ZNF461: variants seen among roughly 807,000 people sequenced by gnomAD.
ZNF461 encodes the protein zinc finger protein 461.
In ZNF461, 16 loss-of-function variants were observed where a neutral mutation model predicts 18.3. That is an observed-to-expected ratio of 0.88 (90% CI 0.59 to 1.33). ZNF461 has a LOEUF of 1.33. ZNF461 is among the 40% of genes most tolerant of loss of function. The pLI, the probability that ZNF461 is intolerant of heterozygous loss-of-function variation, is 0.00. For missense variants in ZNF461, 595 were observed against 669.9 expected (o/e 0.89, Z 1.23); for synonymous variants, 179 against 216.9 (o/e 0.83, Z 1.54).
At chr19:36,653,744 A>G (rs927487325) in intron 4 of ZNF461, among the ~76,000 whole-genome samples, 2 of 152,134 alleles carry the variant, frequency 1.3e-5, no homozygotes, top group African/African-American at 4.8e-5. Flanking sequence ...CCCTCCCACA[A>G]CACGTGGGAA....
At chr19:36,664,920 A>G (rs1438782407) in intron 1 of ZNF461, 134 bp from the exon 2 acceptor site, 2 of 379,612 alleles carry the variant, frequency 5.3e-6, no homozygotes, top group Non-Finnish European at 9.4e-6. Flanking sequence ...TACATAAATT[A>G]TTAGTGGGAA....
chr19:36,643,778 C>T lies in ZNF461; in HGVS notation c.301+16G>A, dbSNP rs2037471568. 1 of 1,516,150 alleles carries T rather than the reference C, an allele frequency of 6.6e-7. No individual in the cohort carries two copies. Among genetic ancestry groups the T allele is most frequent in the Non-Finnish European group, 8.8e-7 (1 of 1,133,106 alleles). 93.9% of individuals were successfully genotyped at this position (1,516,150 alleles called of 1,614,324 possible). On this transcript the variant is annotated intron_variant, in intron 5 of 5. Transcript: ENST00000588268. ...AGTACTTCTACTGTACTCTTAAAAA[C>T]TGTATTTATTTATACCTGCATTTAT...
intron 5 of ZNF461, among the ~76,000 whole-genome samples, chr19:36,640,375 A>G (rs975402236): frequency 2.6e-5 from 4 of 152,252 alleles, no homozygotes; most frequent in African/African-American, 4.8e-5. Context: ...GTCAGAGTTC[A>G]TATGTTTAAC....
In ZNF461 at chr19:36,638,694, T is replaced by C. The variant is rs1314874335; in HGVS notation, c.1651A>G (p.Arg551Gly). Reference protein sequence around the residue: ...QTLHTGEKPVRFPLLPPHPSL... With the variant: ...QTLHTGEKPVGFPLLPPHPSL... ...GGATGGGGAGGGAGGAGAGGAAACC[T>C]GACTGGCTTCTCGCCAGTATGAAGA... The change falls in exon 6 of 6, where the codon AGG becomes GGG. Residue 551 changes from arginine to glycine, a missense_variant. By Grantham distance (125) the Arg-to-Gly change is moderately radical. Transcript: ENST00000588268. 1.2e-6 allele frequency: 2 copies of C among 1,613,144 alleles called. No homozygotes were observed. Among genetic ancestry groups the C allele is most frequent in the Non-Finnish European group, 1.7e-6 (2 of 1,179,384 alleles).
intron 4 of ZNF461, among the ~76,000 whole-genome samples, chr19:36,655,820 T>C (rs1368863217): frequency 6.6e-6 from 1 of 152,170 alleles, no homozygotes; most frequent in East Asian, 1.9e-4. Context: ...ATTTAGGTCT[T>C]TGATCCATTC....
chr19:36,656,708 A>G (rs766420063), intron 3 of ZNF461, among the ~76,000 whole-genome samples, 165 bp from the exon 4 acceptor site: 4 of 152,238 alleles, frequency 2.6e-5, no homozygotes, highest in East Asian at 1.9e-4. Flanking sequence ...TCAGATGAAC[A>G]CAGGATCATA....
At chr19:36,651,888 A>G (rs2037633122) in intron 4 of ZNF461, among the ~76,000 whole-genome samples, 1 of 152,198 alleles carries the variant, frequency 6.6e-6, no homozygotes, top group Non-Finnish European at 1.5e-5. Flanking sequence ...ATGAAAAACA[A>G]CACAGTGGGA....
At chr19:36,656,301 C>T in intron 4 of ZNF461, 147 bp downstream of exon 4, 2 of 722,262 alleles carry the variant, frequency 2.8e-6, no homozygotes, top group Non-Finnish European at 4.8e-6. Context: ...ATCTTTATGC[C>T]AGTACCACAC....
intron 4 of ZNF461, among the ~76,000 whole-genome samples, chr19:36,654,650 G>C (rs1052114563): frequency 6.6e-6 from 1 of 152,018 alleles, no homozygotes; most frequent in African/African-American, 2.4e-5. Context: ...GGGATTACAG[G>C]CATGAGCCAC....
chr19:36,638,559 G>A lies in ZNF461; in HGVS notation c.*94C>T. ...CACTTAAAAACATTTGATTTTCAAG[G>A]ATTATTTAAATAAATAAATACTAAT... On this transcript the variant is annotated 3_prime_UTR_variant, in exon 6 of 6. Transcript: ENST00000588268. The A allele has an allele frequency of 1.0e-6, 1 of 980,226 alleles. No individual in the cohort carries two copies. The highest frequency in any genetic ancestry group is 2.7e-5 in the East Asian group (1 of 37,710). 60.7% of individuals were successfully genotyped at this position (980,226 alleles called of 1,614,324 possible).
At chr19:36,652,447 G>C (rs1376320491) in intron 4 of ZNF461, among the ~76,000 whole-genome samples, 3 of 149,584 alleles carry the variant, frequency 2.0e-5, no homozygotes, top group African/African-American at 7.4e-5. Context: ...GTTGCAGTGA[G>C]CTGAGATTGC....
chr19:36,640,812 T>G (rs2037410625), intron 5 of ZNF461, among the ~76,000 whole-genome samples: 1 of 152,200 alleles, frequency 6.6e-6, no homozygotes, highest in Non-Finnish European at 1.5e-5. Flanking sequence ...AGAAAATTAA[T>G]TTAAACATCT....
rs767835675 is a variant in ZNF461 at position 36,639,420 on chromosome 19, C to G, written c.925G>C (p.Ala309Pro). 7.4e-6 allele frequency: 12 copies of G among 1,613,702 alleles called. No individual in the cohort carries two copies. The highest frequency in any genetic ancestry group is 3.3e-5 in the Admixed American group (2 of 59,972). The change falls in exon 6 of 6, where the codon GCC becomes CCC. Residue 309 changes from alanine (A) to proline (P), a missense_variant. Coordinates refer to ENST00000588268, the MANE Select transcript of ZNF461 (RefSeq NM_153257.5). ...GTAAGCTGTGATCGCTGTCTAAAGG[C>G]CTTCCCACATTCTTTACATTCATAA... ...KPYECKECGKAFRQRSQLTQH... is the reference protein window; with the variant it reads ...KPYECKECGKPFRQRSQLTQH...
At chr19:36,653,599 G>A (rs565556471) in intron 4 of ZNF461, among the ~76,000 whole-genome samples, 1 of 152,268 alleles carries the variant, frequency 6.6e-6, no homozygotes, top group South Asian at 2.1e-4. Flanking sequence ...TTACATGACA[G>A]CAGACAGGAG....
intron 4 of ZNF461, among the ~76,000 whole-genome samples, chr19:36,654,752 A>C (rs564348307): frequency 2.1e-4 from 32 of 152,062 alleles, no homozygotes; most frequent in Non-Finnish European, 4.7e-4. Flanking sequence ...ATAGCACCCC[A>C]AACTTTCCTG....
chr19:36,665,700 CT>C (rs2037903936), intron 1 of ZNF461, among the ~76,000 whole-genome samples: 1 of 124,018 alleles, frequency 8.1e-6, no homozygotes, highest in Non-Finnish European at 1.6e-5. Context: ...AAGAGAGAAA[CT>C]TCGTCTCAAA....
chr19:36,639,245 C>T lies in ZNF461; in HGVS notation c.1100G>A (p.Arg367Lys). The T allele has an allele frequency of 6.2e-7, 1 of 1,613,624 alleles. No individual in the cohort carries two copies. Among genetic ancestry groups the T allele is most frequent in the Non-Finnish European group, 8.5e-7 (1 of 1,179,948 alleles). Residue 367 changes from arginine to lysine, a missense_variant, in exon 6 of 6, where the codon AGG becomes AAG. By Grantham distance (26) the Arg-to-Lys change is conservative. Coordinates refer to ENST00000588268, the MANE Select transcript of ZNF461 (RefSeq NM_153257.5). ...YECKECGKTF[R>K]HRSHLTIHQR... is the part of the protein sequence containing the mutation. ...ATGTATAGTAAGATGTGAGCGATGC[C>T]TAAAAGTCTTTCCACATTCTTTACA... is the stretch of plus-strand genomic sequence containing the variant.
chr19:36,652,054 G>GA lies in ZNF461; in HGVS notation c.232+4393dup, dbSNP rs755077840. On this transcript the variant is annotated intron_variant, in intron 4 of 5. Transcript: ENST00000588268. ...TGCACAACTAAGTTTTGACAAAGGT[G>GA]AAAAAGCTATTCACTTGAGAAGGGA... 1.1e-4 allele frequency among the ~76,000 whole-genome samples: 16 copies of GA among 152,180 alleles called. No homozygotes were observed. The South Asian group carries it at 2.5e-3, about 24-fold the overall frequency.
chr19:36,642,610 C>A (rs1489079083), intron 5 of ZNF461, among the ~76,000 whole-genome samples: 1 of 151,810 alleles, frequency 6.6e-6, no homozygotes, highest in Non-Finnish European at 1.5e-5. Context: ...CCTCAGAAAT[C>A]ACAAAGTATT....
Sources: allele counts gnomAD v4.1 joint callset (sites outside exome capture counted in the v4.1 genomes callset), GRCh38; gene constraint gnomAD v4.1.1; transcripts MANE v1.5; gene names NCBI Gene and HGNC (gene_info 2026-07-23, HGNC 2026-07-21).